C3orf70: variants seen among roughly 807,000 people sequenced by gnomAD.
C3orf70 encodes the protein chromosome 3 open reading frame 70, also known as UPF0524 protein C3orf70.
A neutral mutation model predicts 20.7 loss-of-function variants in C3orf70; 15 were observed. That is an observed-to-expected ratio of 0.72 (90% CI 0.48 to 1.11). C3orf70 has a LOEUF of 1.11. Ranked by LOEUF, C3orf70 falls within the 50% of genes most tolerant of loss-of-function variation. The probability of loss-of-function intolerance (pLI) is 0.00; values close to 1 mark genes in which losing one functional copy is unlikely to be tolerated. For missense variants in C3orf70, 332 were observed against 317.6 expected, an observed-to-expected ratio of 1.05 and a Z score of -0.34; for synonymous variants, 161 against 125.7, an observed-to-expected ratio of 1.28 and a Z score of -1.88.
intron 1 of C3orf70, among the ~76,000 whole-genome samples, chr3:185,089,097 A>G (rs1715514612): frequency 6.6e-6 from 1 of 152,206 alleles, no homozygotes. Context: ...ATGCCCACGA[A>G]AGAACACCTG....
At chr3:185,104,481 C>A (rs1423125418) in intron 1 of C3orf70, among the ~76,000 whole-genome samples, 2 of 152,080 alleles carry the variant, frequency 1.3e-5, no homozygotes, top group Non-Finnish European at 2.9e-5. Flanking sequence ...TAGGTAAATA[C>A]CCAAAGGAAT....
chr3:185,124,573 A>G (rs776042955), intron 1 of C3orf70, among the ~76,000 whole-genome samples: 4 of 152,188 alleles, frequency 2.6e-5, no homozygotes, highest in African/African-American at 7.2e-5. Flanking sequence ...TGAAACTTAC[A>G]CTATAAAATT....
At chr3:185,128,636 A>G (rs1490731508) in intron 1 of C3orf70, among the ~76,000 whole-genome samples, 1 of 152,052 alleles carries the variant, frequency 6.6e-6, no homozygotes, top group Non-Finnish European at 1.5e-5. Context: ...CTTGAAGGCT[A>G]CTTAGTCCAG....
chr3:185,087,560 A>G (rs1715483108), intron 1 of C3orf70, among the ~76,000 whole-genome samples: 1 of 152,262 alleles, frequency 6.6e-6, no homozygotes, highest in African/African-American at 2.4e-5. Context: ...TAAGCCTGTC[A>G]CAGTAAGACA....
rs1715236738 is a variant in C3orf70, at chr3:185,078,073, AT to A, written c.*4933del. 6.6e-6 allele frequency: 1 copy of A among 152,568 alleles called. No individual in the cohort carries two copies. Among genetic ancestry groups the A allele is most frequent in the African/African-American group, 2.4e-5 (1 of 41,392 alleles). The allele number at this position is 152,568 out of a possible 1,614,324, so 9.5% of individuals were successfully genotyped here. A position where few individuals can be genotyped will look rare whatever the true frequency, so the allele number is the denominator to read the frequency against. On this transcript the variant is annotated 3_prime_UTR_variant, in exon 2 of 2. Transcript: ENST00000335012. ...TGTTCTGGTATAAAAGAAAAAAAAA[AT>A]CACGTTTATTTTACAAGGCAGTTAT...
At chr3:185,152,587 C>T in intron 1 of C3orf70, 41 bp downstream of exon 1, 1 of 1,512,100 alleles carries the variant, frequency 6.6e-7, no homozygotes, top group African/African-American at 1.4e-5. Context: ...CGGGCGTCCC[C>T]CGGACCGCGG....
In C3orf70 at chr3:185,152,719, G is replaced by T; in HGVS notation, c.105C>A (p.Phe35Leu). ...ARSCAARRPD[F>L]QPCDGLSICA... is the part of the protein sequence containing the mutation. ...AGATAGACAGCCCGTCGCACGGCTG[G>T]AAGTCGGGTCTGCGGGCGGCGCAAC... The change falls in exon 1 of 2, where the codon TTC becomes TTA. Residue 35 changes from phenylalanine (F) to leucine (L), a missense_variant. Coordinates refer to ENST00000335012, the MANE Select transcript of C3orf70 (RefSeq NM_001025266.3). 6.3e-7 allele frequency: 1 copy of T among 1,594,468 alleles called. No individual in the cohort carries two copies. Among genetic ancestry groups the T allele is most frequent in the Non-Finnish European group, 8.5e-7 (1 of 1,171,138 alleles).
intron 1 of C3orf70, among the ~76,000 whole-genome samples, chr3:185,115,389 T>C (rs891084209): frequency 6.6e-6 from 1 of 152,178 alleles, no homozygotes; most frequent in Non-Finnish European, 1.5e-5. Context: ...AGATTCTACA[T>C]CATAATCTGT....
chr3:185,127,372 T>A (rs1280757380), intron 1 of C3orf70, among the ~76,000 whole-genome samples: 2 of 152,226 alleles, frequency 1.3e-5, no homozygotes, highest in Non-Finnish European at 2.9e-5. Context: ...TCTAACTCCC[T>A]GAGAAGATAT....
intron 1 of C3orf70, among the ~76,000 whole-genome samples, chr3:185,091,873 T>A (rs1715577904): frequency 8.1e-6 from 1 of 123,926 alleles, no homozygotes; most frequent in African/African-American, 3.5e-5. Context: ...ATTATATATA[T>A]ATATATAATA....
chr3:185,146,935 A>G (rs1361469477), intron 1 of C3orf70, among the ~76,000 whole-genome samples: 1 of 152,232 alleles, frequency 6.6e-6, no homozygotes. Flanking sequence ...CAGAAAATCT[A>G]TAAACAGGAA....
chr3:185,131,396 T>G (rs1356705018), intron 1 of C3orf70, among the ~76,000 whole-genome samples: 2 of 152,214 alleles, frequency 1.3e-5, no homozygotes, highest in Non-Finnish European at 2.9e-5. Flanking sequence ...CTTGTTATAA[T>G]AGAGTTTGCC....
chr3:185,130,274 C>T (rs370034179), intron 1 of C3orf70, among the ~76,000 whole-genome samples: 176 of 152,138 alleles, frequency 1.2e-3, no homozygotes, highest in Non-Finnish European at 1.3e-3. Flanking sequence ...CACAGTGAAA[C>T]CCTGTCTCTA....
In C3orf70 at chr3:185,137,370, T is replaced by G. The variant is rs79762138; in HGVS notation, c.196+15258A>C. 2.2e-3 allele frequency among the ~76,000 whole-genome samples: 330 copies of G among 152,284 alleles called. 1 individual carries two copies. The highest frequency in any genetic ancestry group is 7.7e-3 in the African/African-American group (319 of 41,554). On this transcript the variant is annotated intron_variant, in intron 1 of 1. Coordinates refer to ENST00000335012, the MANE Select transcript of C3orf70 (RefSeq NM_001025266.3). ...GTGAAAACGAACTAATACACCCTCT[T>G]TCAACAATTGACAGAACATATAGAC...
intron 1 of C3orf70, among the ~76,000 whole-genome samples, chr3:185,087,263 G>C (rs1470726322): frequency 6.6e-6 from 1 of 152,184 alleles, no homozygotes; most frequent in East Asian, 1.9e-4. Context: ...CAGAGTGAGG[G>C]CTCAGAGAAA....
intron 1 of C3orf70, among the ~76,000 whole-genome samples, chr3:185,136,331 T>C (rs1716620272): frequency 6.6e-6 from 1 of 151,938 alleles, no homozygotes; most frequent in Non-Finnish European, 1.5e-5. Context: ...CTCACGCCTG[T>C]AATCTCAGCA....
At chr3:185,136,709 G>A (rs1205874919) in intron 1 of C3orf70, among the ~76,000 whole-genome samples, 3 of 152,056 alleles carry the variant, frequency 2.0e-5, no homozygotes, top group Non-Finnish European at 2.9e-5. Context: ...GGGCGACAGA[G>A]CGAAGACTCT....
intron 1 of C3orf70, among the ~76,000 whole-genome samples, chr3:185,105,489 C>T (rs1447334586): frequency 2.0e-5 from 3 of 152,262 alleles, no homozygotes; most frequent in Admixed American, 2.0e-4. Flanking sequence ...CCCATCCCTT[C>T]ATTTCCCATA....
At chr3:185,089,605 A>T (rs1715523447) in intron 1 of C3orf70, among the ~76,000 whole-genome samples, 1 of 152,202 alleles carries the variant, frequency 6.6e-6, no homozygotes. Context: ...ATCCATAGGA[A>T]AGTGAAGATA....
Sources: allele counts gnomAD v4.1 joint callset (sites outside exome capture counted in the v4.1 genomes callset), GRCh38; gene constraint gnomAD v4.1.1; transcripts MANE v1.5; gene names NCBI Gene and HGNC (gene_info 2026-07-23, HGNC 2026-07-21).